Variants in AHCTF1 observed in about 807,000 individuals in gnomAD.
The protein encoded by AHCTF1 is AT-hook containing transcription factor 1.
Under a neutral mutation model 248.4 loss-of-function variants are expected in AHCTF1, and 24 were observed. The observed-to-expected ratio is 0.10, with a 90% CI of 0.07 to 0.14. AHCTF1 has a LOEUF of 0.14. AHCTF1 is among the 10% of genes least tolerant of loss of function. AHCTF1 has a pLI of 1.00. For missense variants in AHCTF1, 2,206 were observed against 2,636.2 expected, an observed-to-expected ratio of 0.84 and a Z score of 3.57; for synonymous variants, 786 against 929.8, an observed-to-expected ratio of 0.85 and a Z score of 2.81.
chr1:246,894,845 C>T (rs1442265795), intron 13 of AHCTF1, 97 bp from the exon 14 acceptor site: 8 of 982,690 alleles, frequency 8.1e-6, no homozygotes, highest in Middle Eastern at 4.2e-4. Flanking sequence ...GCACCCTAAC[C>T]GAGTGAACAT....
At chr1:246,895,976 G>T (rs755351100) in intron 12 of AHCTF1, 51 bp from the exon 13 acceptor site, 2 of 1,473,312 alleles carry the variant, frequency 1.4e-6, no homozygotes, top group Non-Finnish European at 1.9e-6. Context: ...GAGGGTGTGA[G>T]ATCATAGGCA....
intron 21 of AHCTF1, among the ~76,000 whole-genome samples, chr1:246,879,492 A>G (rs1182839824): frequency 6.6e-6 from 1 of 152,214 alleles, no homozygotes; most frequent in Non-Finnish European, 1.5e-5. Flanking sequence ...TAAAATGGCT[A>G]AAGGTTGAAA....
rs527777392 is a variant in AHCTF1 at position 246,920,545 on chromosome 1, C to T, written c.-7-2168G>A. 2.6e-3 allele frequency among the ~76,000 whole-genome samples: 382 copies of T among 149,454 alleles called. 1 individual carries two copies. The highest frequency in any genetic ancestry group is 9.1e-3 in the African/African-American group (367 of 40,550). On this transcript the variant is annotated intron_variant, in intron 1 of 35. Transcript: ENST00000648844. ...CCAGCACTTTGGGAGGCTGAGGCGG[C>T]GAATCATGAGGTCAGGAGATCGAGA... is the stretch of plus-strand genomic sequence containing the variant.
chr1:246,928,057 C>T (rs147643285), intron 1 of AHCTF1, among the ~76,000 whole-genome samples: 8,852 of 151,838 alleles, frequency 0.058, 314 homozygotes, highest in African/African-American at 0.086. Context: ...GTGGCTCACG[C>T]CTGTAATCCC....
At chr1:246,896,047 G>C in intron 12 of AHCTF1, 122 bp from the exon 13 acceptor site, 3 of 663,204 alleles carry the variant, frequency 4.5e-6, no homozygotes, top group East Asian at 2.7e-5. Context: ...CCATAAGAAG[G>C]GCTATAATCA....
In AHCTF1 at chr1:246,839,513, G is replaced by GT. The variant is rs201045015; in HGVS notation, c.*1292dup. 1,408 of 985,560 alleles carry GT rather than the reference G, an allele frequency of 1.4e-3. 9 individuals carry two copies. In the African/African-American group the frequency reaches 0.022, roughly 15 times the overall value. The allele number at this position is 985,560 out of a possible 1,614,324, so 61.1% of individuals were successfully genotyped here. On this transcript the variant is annotated 3_prime_UTR_variant, in exon 36 of 36. Coordinates refer to ENST00000648844, the MANE Select transcript of AHCTF1 (RefSeq NM_001323342.2). Reference sequence around the variant, plus strand: ...TCAGTGAAATTTTCAACAAGGCAGCGTAACATCCATCACTAACCTGACTAA... The same window carrying GT: ...TCAGTGAAATTTTCAACAAGGCAGCGTTAACATCCATCACTAACCTGACTAA...
At chr1:246,901,421 G>C (rs1258813088) in intron 8 of AHCTF1, among the ~76,000 whole-genome samples, 7 of 152,142 alleles carry the variant, frequency 4.6e-5, no homozygotes, top group African/African-American at 1.7e-4. Flanking sequence ...TGGATCATGA[G>C]GTCAGGAGAT....
At chr1:246,907,042 A>G (rs1323482000) in intron 5 of AHCTF1, among the ~76,000 whole-genome samples, 4 of 152,342 alleles carry the variant, frequency 2.6e-5, no homozygotes, top group Non-Finnish European at 2.9e-5. Context: ...AACATCATAC[A>G]GTCTAGTAAC....
At chr1:246,924,541 G>C (rs1412830234) in intron 1 of AHCTF1, among the ~76,000 whole-genome samples, 1 of 151,704 alleles carries the variant, frequency 6.6e-6, no homozygotes, top group Non-Finnish European at 1.5e-5. Flanking sequence ...CCTTAGGATG[G>C]GAACAAGGCA....
chr1:246,840,915 A>C lies in AHCTF1; in HGVS notation c.6692T>G (p.Val2231Gly). The change falls in exon 36 of 36, where the codon GTC becomes GGC. Residue 2231 changes from valine to glycine, a missense_variant. Around this residue, in one of 6 missense-constraint regions of AHCTF1, gnomAD observed 469 missense variants for 470.0 expected, o/e 1.00. Coordinates refer to ENST00000648844, the MANE Select transcript of AHCTF1 (RefSeq NM_001323342.2). ...ISPLASPADG[V>G]KSKPRKTTEV... ...TGTAGTTTTTCTTGGTTTGCTCTTG[A>C]CTCCGTCAGCTGGGCTAGCCAAGGG... 6.2e-7 allele frequency: 1 copy of C among 1,613,092 alleles called. No individual in the cohort carries two copies.
In AHCTF1 at chr1:246,840,073, A is replaced by T. The variant is rs1454437248; in HGVS notation, c.*733T>A. ...GCACTCAATATCCATAAACAGATTT[A>T]TTTTACATTTCCCTTTGTCAAACCC... is the stretch of plus-strand genomic sequence containing the variant. On this transcript the variant is annotated 3_prime_UTR_variant, in exon 36 of 36. Coordinates refer to ENST00000648844, the MANE Select transcript of AHCTF1 (RefSeq NM_001323342.2). 6.6e-6 allele frequency: 1 copy of T among 152,630 alleles called. No individual in the cohort carries two copies. Among genetic ancestry groups the T allele is most frequent in the Non-Finnish European group, 1.5e-5 (1 of 68,046 alleles). 9.5% of individuals were successfully genotyped at this position (152,630 alleles called of 1,614,324 possible).
intron 33 of AHCTF1, among the ~76,000 whole-genome samples, chr1:246,848,866 C>A (rs61853990): frequency 0.23 from 27,685 of 122,808 alleles, 4,156 homozygotes; most frequent in African/African-American, 0.49. Context: ...ACAACACAAA[C>A]CCCCTACATT....
chr1:246,867,343 A>T lies in AHCTF1; in HGVS notation c.3248T>A (p.Ile1083Lys). 6.3e-7 allele frequency: 1 copy of T among 1,577,160 alleles called. No homozygotes were observed. The highest frequency in any genetic ancestry group is 8.6e-7 in the Non-Finnish European group (1 of 1,162,806). The change falls in exon 26 of 36, where the codon ATA becomes AAA. Residue 1083 changes from isoleucine (I) to lysine (K), a missense_variant. By Grantham distance (102) the Ile-to-Lys change is moderately radical. This residue lies in a region of AHCTF1 where 955 missense variants were observed against 1,055.6 expected (regional missense o/e 0.90). Coordinates refer to ENST00000648844, the MANE Select transcript of AHCTF1 (RefSeq NM_001323342.2). The part of the protein sequence containing the change: ...NSTTPFNSSK[I>K]EEPSPIVYSL... ...ATACACTATAGGAGATGGTTCTTCTATTTTAGAACTATGAAAATAAAAATT... is the reference window on the plus strand; with the variant it reads ...ATACACTATAGGAGATGGTTCTTCTTTTTTAGAACTATGAAAATAAAAATT...
At position 246,861,213 on chromosome 1, in the gene AHCTF1, T is replaced by C; in HGVS notation, c.3818A>G (p.Lys1273Arg). ...CAGGAAAAAAGATGTGGTCCTATCT[T>C]TGCTCTTCAGCCATTCAGTTTCCAC... ...VPVETEWLKS[K>R]DRTTSFFLNS... Residue 1273 changes from lysine to arginine, a missense_variant, in exon 29 of 36, where the codon AAA (lysine) becomes AGA (arginine). This residue lies in a region of AHCTF1 where 955 missense variants were observed against 1,055.6 expected (regional missense o/e 0.90). Coordinates refer to ENST00000648844, the MANE Select transcript of AHCTF1 (RefSeq NM_001323342.2). 6.2e-7 allele frequency: 1 copy of C among 1,613,642 alleles called. No individual in the cohort carries two copies. Among genetic ancestry groups the C allele is most frequent in the Admixed American group, 1.7e-5 (1 of 60,004 alleles).
intron 5 of AHCTF1, among the ~76,000 whole-genome samples, chr1:246,907,130 C>G (rs1015297804): frequency 6.6e-6 from 1 of 152,176 alleles, no homozygotes; most frequent in Admixed American, 6.5e-5. Context: ...CTAACCTGTA[C>G]AGCATGTTAC....
At chr1:246,863,185 G>A (rs1289451332) in intron 27 of AHCTF1, among the ~76,000 whole-genome samples, 1 of 152,012 alleles carries the variant, frequency 6.6e-6, no homozygotes, top group Admixed American at 6.5e-5. Context: ...ATTTTAATAA[G>A]TATTTTAGGA....
rs1187325438 is a variant in AHCTF1 at position 246,851,251 on chromosome 1, A to C, written c.4755T>G (p.Leu1585=). The C allele has an allele frequency of 1.9e-6, 3 of 1,613,768 alleles. No individual in the cohort carries two copies. The highest frequency in any genetic ancestry group is 1.7e-5 in the Admixed American group (1 of 59,996). ...ECDIAEVDGE[L]FVAQSNFTLI... ...AGGTAAAGTTGCTTTGAGCCACAAA[A>C]AGTTCCCCATCTACTTCAGCAATGT... The change falls in exon 33 of 36, where the codon CTT becomes CTG. Residue 1585 remains leucine, a synonymous_variant. Transcript: ENST00000648844.
intron 24 of AHCTF1, among the ~76,000 whole-genome samples, chr1:246,868,672 A>G (rs553842687): frequency 2.0e-5 from 3 of 152,102 alleles, no homozygotes; most frequent in South Asian, 4.2e-4. Flanking sequence ...TGTGCCTTCA[A>G]CTGAAATAGG....
chr1:246,845,302 G>C (rs1660170916), intron 33 of AHCTF1, among the ~76,000 whole-genome samples: 1 of 150,696 alleles, frequency 6.6e-6, no homozygotes, highest in Non-Finnish European at 1.5e-5. Flanking sequence ...GTACACAGTA[G>C]GTGTATATAT....
Sources: gnomAD v4.1 joint callset for allele counts (sites outside exome capture counted in the v4.1 genomes callset) on GRCh38, gnomAD v4.1.1 for gene constraint, gnomAD v4.1.1 regional missense constraint, MANE v1.5 for transcripts, NCBI Gene and HGNC (gene_info 2026-07-23, HGNC 2026-07-21) for gene names.